Variants in ZNF251 observed in about 807,000 individuals in gnomAD.
ZNF251 encodes zinc finger protein 251.
A neutral mutation model predicts 13.5 loss-of-function variants in ZNF251; 14 were observed. The observed-to-expected ratio is 1.04, with a 90% CI of 0.69 to 1.63. The LOEUF is 1.63. ZNF251 is among the 40% of genes most tolerant of loss of function. ZNF251 has a pLI of 0.00. For synonymous variants in ZNF251, 287 were observed against 295.2 expected, an observed-to-expected ratio of 0.97 and a Z score of 0.28; for missense variants, 764 against 834.9, an observed-to-expected ratio of 0.92 and a Z score of 1.05.
chr8:144,732,534 C>T (rs532188540), intron 4 of ZNF251, among the ~76,000 whole-genome samples: 32 of 151,850 alleles, frequency 2.1e-4, no homozygotes, highest in South Asian at 8.5e-4. Flanking sequence ...TGAGCCAAGC[C>T]GGGCGCGGTG....
At chr8:144,754,539 G>C in intron 2 of ZNF251, 157 bp downstream of exon 2, 2 of 1,450,474 alleles carry the variant, frequency 1.4e-6, no homozygotes, top group Non-Finnish European at 1.8e-6. Context: ...TCTCCCTGCA[G>C]GAGGGCGAGT....
Position 144,721,527 on chromosome 8 carries a change from C to A in ZNF251, c.*117G>T. On this transcript the variant is annotated 3_prime_UTR_variant, in exon 5 of 5. Coordinates refer to ENST00000292562, the MANE Select transcript of ZNF251 (RefSeq NM_138367.2). ...TAATGACTTTGACTTTAGTAGTCAT[C>A]TGAACTATTTATTTTACTTTGCCAG... 1 of 1,060,444 alleles carries A rather than the reference C, an allele frequency of 9.4e-7. No homozygotes were observed. Among genetic ancestry groups the A allele is most frequent in the Non-Finnish European group, 1.2e-6 (1 of 824,842 alleles). 65.7% of individuals were successfully genotyped at this position (1,060,444 alleles called of 1,614,324 possible).
intron 4 of ZNF251, among the ~76,000 whole-genome samples, chr8:144,752,544 C>CT (rs1223379774): frequency 1.3e-5 from 2 of 152,150 alleles, no homozygotes; most frequent in Non-Finnish European, 2.9e-5. Flanking sequence ...TTAAGCTGCA[C>CT]TTTGAGAAAA....
intron 4 of ZNF251, chr8:144,738,823 A>G (rs559909170): frequency 1.0e-6 from 1 of 985,302 alleles, no homozygotes. Context: ...CTGTTTGTGG[A>G]AACAGGATGG....
intron 1 of ZNF251, chr8:144,755,025 CTGGCAGTT>C: frequency 7.3e-7 from 1 of 1,375,206 alleles, no homozygotes; most frequent in Non-Finnish European, 9.4e-7. Context: ...GGGGTGAAAG[CTGGCAGTT>C]CCCGTGGTCC....
At chr8:144,750,520 T>C (rs1316856497) in intron 4 of ZNF251, among the ~76,000 whole-genome samples, 1 of 152,212 alleles carries the variant, frequency 6.6e-6, no homozygotes, top group East Asian at 1.9e-4. Flanking sequence ...AAATTGTTTC[T>C]CCTGAGGGCA....
At chr8:144,731,093 A>G (rs1823681328) in intron 4 of ZNF251, among the ~76,000 whole-genome samples, 1 of 152,190 alleles carries the variant, frequency 6.6e-6, no homozygotes, top group African/African-American at 2.4e-5. Flanking sequence ...AGGAAGCCCC[A>G]TGATGTTAGG....
Position 144,721,508 on chromosome 8 carries a change from C to G in ZNF251, c.*136G>C. ...TCGTGTTTACTTCCAGATTTAATGA[C>G]TTTGACTTTAGTAGTCATCTGAACT... is the stretch of plus-strand genomic sequence containing the variant. On this transcript the variant is annotated 3_prime_UTR_variant, in exon 5 of 5. Transcript: ENST00000292562. 1 of 917,472 alleles carries G rather than the reference C, an allele frequency of 1.1e-6. No homozygotes were observed. Among genetic ancestry groups the G allele is most frequent in the Non-Finnish European group, 1.4e-6 (1 of 697,428 alleles). The allele number at this position is 917,472 out of a possible 1,614,324, so 56.8% of individuals were successfully genotyped here.
At position 144,722,819 on chromosome 8, in the gene ZNF251, G is replaced by C; in HGVS notation, c.841C>G (p.Arg281Gly). The C allele has an allele frequency of 2.5e-6, 4 of 1,614,034 alleles. No homozygotes were observed. Among genetic ancestry groups the C allele is most frequent in the Non-Finnish European group, 3.4e-6 (4 of 1,179,904 alleles). The change falls in exon 5 of 5, where the codon CGT (arginine) becomes GGT (glycine). Residue 281 changes from arginine (R) to glycine (G), a missense_variant. Coordinates refer to ENST00000292562, the MANE Select transcript of ZNF251 (RefSeq NM_138367.2). The surrounding 1 kb of genome is among the most constrained non-coding windows in gnomAD (Gnocchi z 4.8). ...GKTFGLNSHL[R>G]LHRRIHTGEK... ...CCAGTGTGAATTCTCCGATGAAGAC[G>C]GAGGTGAGAATTGAGTCCAAAAGTT... is the stretch of plus-strand genomic sequence containing the variant.
rs1041834943 is a variant in ZNF251, at chr8:144,726,891, GA to G, written c.278-3510del. ...TCTCCAAAAAAGAAAAAAAAGAAAA[GA>G]AAAAAAGAAAACTTAGCTGGGCATG... On this transcript the variant is annotated intron_variant, in intron 4 of 4. Transcript: ENST00000292562. 1.4e-4 allele frequency among the ~76,000 whole-genome samples: 21 copies of G among 151,798 alleles called. No homozygotes were observed. The South Asian group carries it at 3.7e-3, about 27-fold the overall frequency.
At chr8:144,750,827 G>A (rs369839957) in intron 4 of ZNF251, among the ~76,000 whole-genome samples, 1 of 149,390 alleles carries the variant, frequency 6.7e-6, no homozygotes, top group South Asian at 2.1e-4. Context: ...CTTTGTATCT[G>A]CCTGTTTATC....
At chr8:144,729,558 G>A (rs1454553791) in intron 4 of ZNF251, among the ~76,000 whole-genome samples, 1 of 151,948 alleles carries the variant, frequency 6.6e-6, no homozygotes, top group Non-Finnish European at 1.5e-5. Flanking sequence ...GGATGGTCTC[G>A]ATCTCCTGAC....
At chr8:144,742,453 C>G (rs115656632) in intron 4 of ZNF251, among the ~76,000 whole-genome samples, 4,004 of 152,056 alleles carry the variant, frequency 0.026, 176 homozygotes, top group African/African-American at 0.092. Context: ...GCAGAAAACA[C>G]AGTTCCTGCA....
At chr8:144,755,304 C>A in intron 1 of ZNF251, 101 bp downstream of exon 1, 1 of 1,270,906 alleles carries the variant, frequency 7.9e-7, no homozygotes. Context: ...GCACCCAGAA[C>A]AGGCTCCTCC....
rs1396864037 is a variant in ZNF251 at position 144,722,756 on chromosome 8, A to G, written c.904T>C (p.Phe302Leu). 1 of 1,614,074 alleles carries G rather than the reference A, an allele frequency of 6.2e-7. No individual in the cohort carries two copies. ...PFGCGECGKA[F>L]SRSSTLIQHR... Reference sequence around the variant, plus strand: ...TGAATAAGAGTTGAGCTTCGACTGAAAGCCTTCCCACACTCACCACAGCCA... The same window carrying G: ...TGAATAAGAGTTGAGCTTCGACTGAGAGCCTTCCCACACTCACCACAGCCA... Residue 302 changes from phenylalanine to leucine, a missense_variant, in exon 5 of 5, where the codon TTC becomes CTC. Coordinates refer to ENST00000292562, the MANE Select transcript of ZNF251 (RefSeq NM_138367.2). This position sits in a 1 kb window ranked among gnomAD's most constrained non-coding sequence, Gnocchi z 4.8.
At chr8:144,746,034 G>C (rs1824413528) in intron 4 of ZNF251, among the ~76,000 whole-genome samples, 2 of 152,148 alleles carry the variant, frequency 1.3e-5, no homozygotes, top group African/African-American at 4.8e-5. Flanking sequence ...TTACACCTCA[G>C]TATTTTATCT....
At chr8:144,723,961 G>C (rs1329566659) in intron 4 of ZNF251, among the ~76,000 whole-genome samples, 2 of 152,124 alleles carry the variant, frequency 1.3e-5, no homozygotes, top group Non-Finnish European at 2.9e-5. Context: ...ATCTGGGCCA[G>C]GGCCAGGCGC....
chr8:144,736,166 G>T (rs1823884335), intron 4 of ZNF251, among the ~76,000 whole-genome samples: 1 of 151,946 alleles, frequency 6.6e-6, no homozygotes, highest in Non-Finnish European at 1.5e-5. Flanking sequence ...GAAGGCTGAG[G>T]ACCCTCGACA....
Position 144,754,856 on chromosome 8 carries a change from ATGGCC to A in ZNF251, c.-75-58_-75-54del. ...CCCATTCAACCAGGGGTGTGGAAGG[ATGGCC>A]AGGAGGCAGAAGCTGATTGCTGCTG... is the stretch of plus-strand genomic sequence containing the variant. On this transcript the variant is annotated intron_variant, in intron 1 of 4. Transcript: ENST00000292562. The A allele has an allele frequency of 2.0e-6, 3 of 1,485,012 alleles. No individual in the cohort carries two copies. In the South Asian group the frequency reaches 4.1e-5, roughly 20 times the overall value. 92.0% of individuals were successfully genotyped at this position (1,485,012 alleles called of 1,614,324 possible). A position where few individuals can be genotyped will look rare whatever the true frequency, so the allele number is the denominator to read the frequency against.
Sources: gnomAD v4.1 joint callset for allele counts (sites outside exome capture counted in the v4.1 genomes callset) on GRCh38, gnomAD v4.1.1 for gene constraint, Gnocchi (gnomAD v3.1) non-coding constraint, MANE v1.5 for transcripts, NCBI Gene and HGNC (gene_info 2026-07-23, HGNC 2026-07-21) for gene names.